HIBADH: variants seen among roughly 807,000 people sequenced by gnomAD.
HIBADH encodes 3-hydroxyisobutyrate dehydrogenase, mitochondrial.
HIBADH carries 25 observed loss-of-function variants against 36.1 expected under a neutral mutation model. The ratio of observed to expected loss-of-function variants is 0.69; its 90% CI spans 0.50 to 0.97. HIBADH has a LOEUF of 0.97. Ranked by LOEUF, HIBADH falls within the 50% of genes least tolerant of loss-of-function variation. The probability of loss-of-function intolerance (pLI) is 0.00; values close to 1 mark genes in which losing one functional copy is unlikely to be tolerated. For missense variants in HIBADH, 421 were observed against 418.0 expected (o/e 1.01, Z -0.06); for synonymous variants, 160 against 149.5 (o/e 1.07, Z -0.51).
At chr7:27,613,665 G>GTTT (rs66518612) in intron 4 of HIBADH, among the ~76,000 whole-genome samples, 43,289 of 106,504 alleles carry the variant, frequency 0.41, 7,138 homozygotes, top group African/African-American at 0.49. Flanking sequence ...GGTTTTTTTT[G>GTTT]TTTTTTTTTT....
At chr7:27,596,446 T>C (rs1221830036) in intron 4 of HIBADH, among the ~76,000 whole-genome samples, 1 of 152,194 alleles carries the variant, frequency 6.6e-6, no homozygotes, top group Non-Finnish European at 1.5e-5. Flanking sequence ...CCTACATTGT[T>C]GGTGGAAGTA....
intron 4 of HIBADH, among the ~76,000 whole-genome samples, chr7:27,575,550 T>G (rs1397542316): frequency 6.6e-6 from 1 of 152,074 alleles, no homozygotes; most frequent in Non-Finnish European, 1.5e-5. Context: ...CAGAAGTATA[T>G]CTTGGGCAGA....
At chr7:27,533,234 A>T (rs1197177294) in intron 6 of HIBADH, among the ~76,000 whole-genome samples, 1 of 152,192 alleles carries the variant, frequency 6.6e-6, no homozygotes, top group African/African-American at 2.4e-5. Context: ...CAAAATGGTG[A>T]GCAAAGCTAA....
intron 2 of HIBADH, among the ~76,000 whole-genome samples, chr7:27,635,105 T>A: frequency 6.6e-6 from 1 of 151,784 alleles, no homozygotes; most frequent in Middle Eastern, 3.2e-3. Flanking sequence ...TGTGTGTGTG[T>A]GTGTGTATTT....
In HIBADH at chr7:27,662,846, C is replaced by T; in HGVS notation, c.-58G>A. 7.6e-7 allele frequency: 1 copy of T among 1,324,294 alleles called. No individual in the cohort carries two copies. The highest frequency in any genetic ancestry group is 1.0e-6 in the Non-Finnish European group (1 of 1,000,576). The allele number at this position is 1,324,294 out of a possible 1,614,324, so 82.0% of individuals were successfully genotyped here. On this transcript the variant is annotated 5_prime_UTR_variant, in exon 1 of 8. Coordinates refer to ENST00000265395, the MANE Select transcript of HIBADH (RefSeq NM_152740.4). ...CGCCGCCTCCCGGAGGGCCCACAGACTGCGAGCGTGTGCAGCGGGACTGGC... is the reference window on the plus strand; with the variant it reads ...CGCCGCCTCCCGGAGGGCCCACAGATTGCGAGCGTGTGCAGCGGGACTGGC...
chr7:27,630,925 T>A (rs914647270), intron 3 of HIBADH, among the ~76,000 whole-genome samples: 14 of 152,170 alleles, frequency 9.2e-5, no homozygotes, highest in African/African-American at 3.4e-4. Context: ...GTGATCTTAA[T>A]ATTTTAAGAT....
Position 27,632,385 on chromosome 7 carries a change from T to C in HIBADH, c.313A>G (p.Thr105Ala), listed in dbSNP as rs1234863679. Reference sequence around the variant, plus strand: ...TAAGCTTCTATTGCATTGATACTGGTGGGCAGCATTGTAATAATTCTGTCA... The same window carrying C: ...TAAGCTTCTATTGCATTGATACTGGCGGGCAGCATTGTAATAATTCTGTCA... ...KADRIITMLPTSINAIEAYSG... is the reference protein window; with the variant it reads ...KADRIITMLPASINAIEAYSG... The change falls in exon 3 of 8, where the codon ACC (threonine) becomes GCC (alanine). Residue 105 changes from threonine (T) to alanine (A), a missense_variant. By Grantham distance (58) the Thr-to-Ala change is moderately conservative (BLOSUM62 0). Transcript: ENST00000265395. 6.2e-7 allele frequency: 1 copy of C among 1,613,544 alleles called. No individual in the cohort carries two copies. The highest frequency in any genetic ancestry group is 8.5e-7 in the Non-Finnish European group (1 of 1,179,716).
At chr7:27,533,516 G>GT (rs1253701361) in intron 6 of HIBADH, among the ~76,000 whole-genome samples, 1 of 152,094 alleles carries the variant, frequency 6.6e-6, no homozygotes, top group Non-Finnish European at 1.5e-5. Context: ...AAAAGAGCAA[G>GT]TTAGAAGTGT....
chr7:27,648,676 T>C lies in HIBADH; in HGVS notation c.252+797A>G, dbSNP rs918737888. On this transcript the variant is annotated intron_variant, in intron 2 of 7. Transcript: ENST00000265395. ...AAAACAAACTATATTCGGATACTGATACATGGTCTCCTGTAATTTGAGTTA... is the reference window on the plus strand; with the variant it reads ...AAAACAAACTATATTCGGATACTGACACATGGTCTCCTGTAATTTGAGTTA... 2.6e-5 allele frequency among the ~76,000 whole-genome samples: 4 copies of C among 152,206 alleles called. No individual in the cohort carries two copies. In the East Asian group the frequency reaches 7.7e-4, roughly 29 times the overall value.
chr7:27,538,113 A>G (rs1784093357), intron 6 of HIBADH, among the ~76,000 whole-genome samples: 1 of 152,238 alleles, frequency 6.6e-6, no homozygotes, highest in Non-Finnish European at 1.5e-5. Flanking sequence ...GCACAACTTC[A>G]AATGCACAGG....
intron 5 of HIBADH, among the ~76,000 whole-genome samples, chr7:27,540,728 A>ATTAGGGGCGTTATGT (rs1260979568): frequency 1.3e-5 from 2 of 152,148 alleles, no homozygotes; most frequent in Non-Finnish European, 2.9e-5. Flanking sequence ...TAGAGGCTGA[A>ATTAGGGGCGTTATGT]TTAGGGGCGT....
At chr7:27,615,243 A>C (rs1785405975) in intron 4 of HIBADH, among the ~76,000 whole-genome samples, 1 of 152,196 alleles carries the variant, frequency 6.6e-6, no homozygotes, top group East Asian at 1.9e-4. Context: ...CCAAGGAACG[A>C]GACTGAAGGG....
chr7:27,623,856 G>A (rs1025024489), intron 4 of HIBADH, among the ~76,000 whole-genome samples: 31 of 152,176 alleles, frequency 2.0e-4, no homozygotes, highest in African/African-American at 7.5e-4. Flanking sequence ...GGAGTGCAAT[G>A]GTGCGATCTC....
intron 7 of HIBADH, among the ~76,000 whole-genome samples, chr7:27,527,435 G>A (rs1015625945): frequency 3.3e-5 from 5 of 152,304 alleles, no homozygotes; most frequent in Admixed American, 6.5e-5. Flanking sequence ...CTGGGGAGGA[G>A]GGAGCTGGAT....
At chr7:27,567,364 A>G (rs1784561010) in intron 4 of HIBADH, among the ~76,000 whole-genome samples, 1 of 152,024 alleles carries the variant, frequency 6.6e-6, no homozygotes, top group African/African-American at 2.4e-5. Flanking sequence ...CTTTTAATCT[A>G]CCTACATCAT....
rs139134939 is a variant in HIBADH at position 27,642,941 on chromosome 7, G to A, written c.252+6532C>T. Among the ~76,000 whole-genome samples the A allele has an allele frequency of 3.5e-4, 54 of 152,222 alleles. No individual in the cohort carries two copies. The East Asian group carries it at 6.2e-3, about 17-fold the overall frequency. On this transcript the variant is annotated intron_variant, in intron 2 of 7. Coordinates refer to ENST00000265395, the MANE Select transcript of HIBADH (RefSeq NM_152740.4). The stretch of plus-strand genomic sequence containing the variant: ...GCTGGGATTACAGGCGTGAGCCACC[G>A]CGCCCGGCCAAATGTCTAGTCTTTA...
Position 27,638,509 on chromosome 7 carries a change from T to TA in HIBADH, c.253-6065dup, listed in dbSNP as rs370191594. 2.6e-3 allele frequency among the ~76,000 whole-genome samples: 391 copies of TA among 152,114 alleles called. 2 individuals are homozygous for TA. The highest frequency in any genetic ancestry group is 8.9e-3 in the African/African-American group (370 of 41,530). On this transcript the variant is annotated intron_variant, in intron 2 of 7. Transcript: ENST00000265395. Reference sequence around the variant, plus strand: ...AAAACCTGGAAGATAACCTAGGAAATACTGTTTCTAGACATAGGACCTGGA... The same window carrying TA: ...AAAACCTGGAAGATAACCTAGGAAATAACTGTTTCTAGACATAGGACCTGGA...
chr7:27,618,678 T>C (rs77234142), intron 4 of HIBADH, among the ~76,000 whole-genome samples: 1,716 of 129,852 alleles, frequency 0.013, 18 homozygotes, highest in Non-Finnish European at 0.02. Context: ...TACCTGAGGC[T>C]GGGTATTATA....
chr7:27,532,110 C>T (rs1221128324), intron 6 of HIBADH, among the ~76,000 whole-genome samples: 1 of 152,092 alleles, frequency 6.6e-6, no homozygotes, highest in Non-Finnish European at 1.5e-5. Flanking sequence ...TATCACTGGG[C>T]TGATGGCATA....
Sources: gnomAD v4.1 joint callset for allele counts (sites outside exome capture counted in the v4.1 genomes callset) on GRCh38, gnomAD v4.1.1 for gene constraint, MANE v1.5 for transcripts, NCBI Gene and HGNC (gene_info 2026-07-23, HGNC 2026-07-21) for gene names.